The following MYLK variants were observed in gnomAD, a reference collection of about 807,000 sequenced individuals.
The protein encoded by MYLK is myosin light chain kinase, smooth muscle.
MYLK carries 106 observed loss-of-function variants against 203.4 expected under a neutral mutation model. The ratio of observed to expected loss-of-function variants is 0.52; its 90% CI spans 0.45 to 0.61. The LOEUF (loss-of-function observed/expected upper bound fraction) is 0.61. Ranked by LOEUF, MYLK falls within the 20% of genes least tolerant of loss-of-function variation. The pLI, the probability that MYLK is intolerant of heterozygous loss-of-function variation, is 0.00. For missense variants in MYLK, 2,072 were observed against 2,442.3 expected (o/e 0.85, Z 3.20); for synonymous variants, 867 against 959.5 (o/e 0.90, Z 1.78).
intron 3 of MYLK, among the ~76,000 whole-genome samples, chr3:123,816,102 A>G (rs942739205): frequency 6.6e-6 from 1 of 152,252 alleles, no homozygotes; most frequent in African/African-American, 2.4e-5. Flanking sequence ...TTTTATAATG[A>G]TATCAACACT....
At chr3:123,864,893 T>C (rs920453515) in intron 2 of MYLK, among the ~76,000 whole-genome samples, 2 of 152,218 alleles carry the variant, frequency 1.3e-5, no homozygotes, top group Non-Finnish European at 2.9e-5. Flanking sequence ...TCTACATATA[T>C]GTGATTGTTG....
intron 3 of MYLK, among the ~76,000 whole-genome samples, chr3:123,820,022 A>G (rs1484229293): frequency 1.3e-5 from 2 of 152,142 alleles, no homozygotes; most frequent in African/African-American, 4.8e-5. Context: ...TTTGTTGGCA[A>G]GAGAACTGAA....
intron 2 of MYLK, among the ~76,000 whole-genome samples, chr3:123,842,248 C>A (rs957615848): frequency 6.6e-6 from 1 of 151,890 alleles, no homozygotes; most frequent in African/African-American, 2.4e-5. Context: ...AAATTAATAT[C>A]AGACAAAAGA....
At position 123,648,178 on chromosome 3, in the gene MYLK, C is replaced by G. The variant is rs2059088037; in HGVS notation, c.4416-751G>C. Among the ~76,000 whole-genome samples, 1 of 152,158 alleles carries G rather than the reference C, an allele frequency of 6.6e-6. No individual in the cohort carries two copies. Among genetic ancestry groups the G allele is most frequent in the South Asian group, 2.1e-4 (1 of 4,822 alleles). ...TGGAAATACAAGTGGAGTCCCACTC[C>G]TTTCTCTCCCACCTCTTCTATTCCT... On this transcript the variant is annotated intron_variant, in intron 26 of 33. Transcript: ENST00000360304. The surrounding 1 kb of genome is among the most constrained non-coding windows in gnomAD (Gnocchi z 4.5).
At chr3:123,813,775 T>C (rs2065644671) in intron 3 of MYLK, among the ~76,000 whole-genome samples, 1 of 152,104 alleles carries the variant, frequency 6.6e-6, no homozygotes, top group Non-Finnish European at 1.5e-5. Context: ...CCTCCCAAAG[T>C]GCTGGGATTA....
chr3:123,721,492 T>C (rs2062085900), intron 13 of MYLK, among the ~76,000 whole-genome samples: 1 of 152,052 alleles, frequency 6.6e-6, no homozygotes, highest in Admixed American at 6.6e-5. Context: ...GGGGACTAAG[T>C]GCTTGGCTGA....
intron 5 of MYLK, among the ~76,000 whole-genome samples, chr3:123,750,941 C>T (rs957690231): frequency 1.3e-5 from 2 of 152,218 alleles, no homozygotes; most frequent in Non-Finnish European, 2.9e-5. Context: ...ATGCTCCACT[C>T]TGTGAAACAG....
chr3:123,653,986 T>TTTTGTGTGTG (rs3222126), intron 24 of MYLK, among the ~76,000 whole-genome samples: 1 of 137,650 alleles, frequency 7.3e-6, no homozygotes, highest in Non-Finnish European at 1.6e-5. Context: ...CAGAGGGATG[T>TTTTGTGTGTG]TGTGTGTGTG....
chr3:123,618,610 T>C (rs756079288), intron 33 of MYLK, 29 bp downstream of exon 33: 1 of 1,613,420 alleles, frequency 6.2e-7, no homozygotes. Flanking sequence ...ACCCTATTCA[T>C]GGTGAAGAGA....
chr3:123,713,854 G>A (rs1354856953), intron 13 of MYLK, among the ~76,000 whole-genome samples: 5 of 152,164 alleles, frequency 3.3e-5, no homozygotes. Flanking sequence ...ATACTGAGAA[G>A]TATGATGTCT....
At chr3:123,697,316 T>C (rs2060970893) in intron 18 of MYLK, among the ~76,000 whole-genome samples, 1 of 152,198 alleles carries the variant, frequency 6.6e-6, no homozygotes, top group African/African-American at 2.4e-5. Context: ...TCTCCTGTAC[T>C]GAAGCAAGAC....
intron 20 of MYLK, among the ~76,000 whole-genome samples, chr3:123,677,904 TATATATATATATATAC>T (rs1191260775): frequency 3.2e-5 from 3 of 93,216 alleles, no homozygotes; most frequent in African/African-American, 1.3e-4. Flanking sequence ...TATATATATA[TATATATATATATATAC>T]ACACACACAC....
chr3:123,833,744 A>G (rs2066405439), intron 2 of MYLK, among the ~76,000 whole-genome samples: 1 of 152,222 alleles, frequency 6.6e-6, no homozygotes, highest in South Asian at 2.1e-4. Flanking sequence ...AATATGGGTG[A>G]AATGATTTTC....
At chr3:123,771,497 C>G (rs1212925380) in intron 4 of MYLK, among the ~76,000 whole-genome samples, 2 of 152,116 alleles carry the variant, frequency 1.3e-5, no homozygotes, top group African/African-American at 4.8e-5. Context: ...AATCATTTCT[C>G]CTTTTATATA....
chr3:123,692,080 T>C (rs2060694757), intron 19 of MYLK, among the ~76,000 whole-genome samples: 1 of 152,244 alleles, frequency 6.6e-6, no homozygotes, highest in Admixed American at 6.5e-5. Flanking sequence ...ATGCACTTCC[T>C]GCATTTCCTT....
intron 19 of MYLK, among the ~76,000 whole-genome samples, chr3:123,684,305 T>C (rs114973646): frequency 5.1e-4 from 77 of 152,210 alleles, no homozygotes; most frequent in Non-Finnish European, 9.7e-4. Flanking sequence ...AGAAAACTCC[T>C]CGTCTCTCCT....
intron 5 of MYLK, among the ~76,000 whole-genome samples, chr3:123,746,635 T>C (rs1376467494): frequency 6.6e-6 from 1 of 152,232 alleles, no homozygotes; most frequent in African/African-American, 2.4e-5. Context: ...TTTTGTATAC[T>C]AAATGAGTAA....
At position 123,700,213 on chromosome 3, in the gene MYLK, T is replaced by C. The variant is rs2108578069; in HGVS notation, c.3255A>G (p.Thr1085=). The change falls in exon 18 of 34, where the codon ACA becomes ACG. Residue 1085 remains threonine, a synonymous_variant. Coordinates refer to ENST00000360304, the MANE Select transcript of MYLK (RefSeq NM_053025.4). ...GGCTCTCTGATCTCTTTTCATTATC[T>C]GTGGTCCCTGCATGGCCTCTCTTGC... ...VNCKRGHAGT[T]DNEKRSESQG... 1 of 1,614,040 alleles carries C rather than the reference T, an allele frequency of 6.2e-7. No homozygotes were observed. Among genetic ancestry groups the C allele is most frequent in the Middle Eastern group, 1.6e-4 (1 of 6,062 alleles).
chr3:123,881,927 C>A (rs150354412), intron 1 of MYLK, among the ~76,000 whole-genome samples: 1 of 152,168 alleles, frequency 6.6e-6, no homozygotes, highest in Non-Finnish European at 1.5e-5. Flanking sequence ...AGATTACCCC[C>A]GCCACCTGCC....
Sources: gnomAD v4.1 joint callset for allele counts (sites outside exome capture counted in the v4.1 genomes callset) on GRCh38, gnomAD v4.1.1 for gene constraint, Gnocchi (gnomAD v3.1) non-coding constraint, MANE v1.5 for transcripts, NCBI Gene and HGNC (gene_info 2026-07-23, HGNC 2026-07-21) for gene names.